FAM167A: variants seen among roughly 807,000 people sequenced by gnomAD.
The protein encoded by FAM167A is family with sequence similarity 167 member A, also known as protein FAM167A.
In FAM167A, 23 loss-of-function variants were observed where a neutral mutation model predicts 14.9. The observed-to-expected ratio is 1.55, with a 90% CI of 1.11 to 2.19. The LOEUF (loss-of-function observed/expected upper bound fraction) is 2.19. Among genes scored for constraint, FAM167A ranks in the 30% most tolerant of loss-of-function variants. The pLI is 0.00. For missense variants in FAM167A, 401 were observed against 281.5 expected, an observed-to-expected ratio of 1.42 and a Z score of -3.04; for synonymous variants, 174 against 117.7, an observed-to-expected ratio of 1.48 and a Z score of -3.10.
At chr8:11,447,948 C>G (rs770645424) in intron 1 of FAM167A, among the ~76,000 whole-genome samples, 2 of 152,178 alleles carry the variant, frequency 1.3e-5, no homozygotes, top group African/African-American at 4.8e-5. Context: ...GTAATCCCAG[C>G]ACTTTGGGAG....
In FAM167A at chr8:11,448,596, C is replaced by T. The variant is rs528169088; in HGVS notation, c.-397-3788G>A. 6.6e-4 allele frequency among the ~76,000 whole-genome samples: 101 copies of T among 152,322 alleles called. 3 individuals carry two copies. The South Asian group carries it at 0.018, about 27-fold the overall frequency. On this transcript the variant is annotated intron_variant, in intron 1 of 2. Coordinates refer to ENST00000284486, the MANE Select transcript of FAM167A (RefSeq NM_053279.3). The stretch of plus-strand genomic sequence containing the variant: ...ATCCTTCCCTGGACACCAAACGACA[C>T]GAAGTCAGTTGATCCCACCTCCCCC...
intron 1 of FAM167A, among the ~76,000 whole-genome samples, chr8:11,461,627 C>T (rs942915927): frequency 6.6e-6 from 1 of 152,252 alleles, no homozygotes; most frequent in African/African-American, 2.4e-5. Context: ...TGTGCCCTCC[C>T]CTGTGGCTTC....
At chr8:11,436,776 G>A (rs1265376282) in intron 2 of FAM167A, among the ~76,000 whole-genome samples, 1 of 152,186 alleles carries the variant, frequency 6.6e-6, no homozygotes, top group Admixed American at 6.5e-5. Context: ...GCTTTTCTTG[G>A]GTTCTCTATC....
intron 2 of FAM167A, chr8:11,434,095 G>A (rs148489358): frequency 1.3e-5 from 2 of 152,244 alleles, no homozygotes; most frequent in African/African-American, 2.4e-5. Flanking sequence ...GAGGTTCCGG[G>A]GAAATGTGAA....
chr8:11,441,327 A>C (rs928264003), intron 2 of FAM167A, among the ~76,000 whole-genome samples: 2 of 152,202 alleles, frequency 1.3e-5, no homozygotes, highest in Non-Finnish European at 2.9e-5. Flanking sequence ...TCATTCCCTG[A>C]TACCCTAAGT....
chr8:11,430,245 T>C (rs7008392), intron 2 of FAM167A, among the ~76,000 whole-genome samples: 2 of 152,096 alleles, frequency 1.3e-5, no homozygotes, highest in African/African-American at 4.8e-5. Context: ...ACAGAACTTG[T>C]TGAAAGGGAA....
chr8:11,457,663 G>A (rs1807387133), intron 1 of FAM167A, among the ~76,000 whole-genome samples: 2 of 152,252 alleles, frequency 1.3e-5, no homozygotes, highest in South Asian at 4.1e-4. Context: ...GTGGGTACAT[G>A]AATGAATGAA....
intron 2 of FAM167A, among the ~76,000 whole-genome samples, chr8:11,435,961 C>T (rs1387063090): frequency 2.0e-5 from 3 of 152,220 alleles, no homozygotes; most frequent in Non-Finnish European, 4.4e-5. Context: ...TACGTTTTTA[C>T]TTCCCATGTG....
intron 1 of FAM167A, among the ~76,000 whole-genome samples, chr8:11,473,707 T>G (rs1168331083): frequency 1.3e-5 from 2 of 152,072 alleles, no homozygotes; most frequent in Non-Finnish European, 2.9e-5. Flanking sequence ...CTTAGTCTCT[T>G]GAGCTTCAGT....
chr8:11,460,494 G>A (rs142820468), intron 1 of FAM167A, among the ~76,000 whole-genome samples: 2,884 of 152,306 alleles, frequency 0.019, 39 homozygotes, highest in Non-Finnish European at 0.031. Context: ...TAGAGGCGCC[G>A]ACTCGCCCAC....
intron 2 of FAM167A, among the ~76,000 whole-genome samples, chr8:11,432,282 G>T (rs1012003873): frequency 1.3e-5 from 2 of 152,182 alleles, no homozygotes; most frequent in South Asian, 4.1e-4. Flanking sequence ...AGAGTGAACA[G>T]GCAACCTACA....
At chr8:11,439,941 A>C (rs1806328636) in intron 2 of FAM167A, among the ~76,000 whole-genome samples, 3 of 152,114 alleles carry the variant, frequency 2.0e-5, no homozygotes, top group Admixed American at 2.0e-4. Context: ...GCGTGTGTGA[A>C]TGCTCTGAAT....
At chr8:11,426,105 GCATTTCTTTCT>G (rs1805123812) in intron 2 of FAM167A, among the ~76,000 whole-genome samples, 1 of 152,158 alleles carries the variant, frequency 6.6e-6, no homozygotes, top group Non-Finnish European at 1.5e-5. Context: ...TTTGTCTTAA[GCATTTCTTTCT>G]ACTGACTTCA....
chr8:11,432,655 C>G (rs1425088724), intron 2 of FAM167A, among the ~76,000 whole-genome samples: 1 of 152,146 alleles, frequency 6.6e-6, no homozygotes, highest in Non-Finnish European at 1.5e-5. Context: ...GACAGTATGG[C>G]GATTCCTCAA....
intron 1 of FAM167A, among the ~76,000 whole-genome samples, chr8:11,458,858 T>C (rs952488443): frequency 7.9e-5 from 12 of 151,948 alleles, no homozygotes; most frequent in African/African-American, 2.9e-4. Flanking sequence ...CAGCAGAACC[T>C]AAAGAGCTGA....
At chr8:11,424,698 G>C (rs538000985) in intron 2 of FAM167A, 62 bp from the exon 3 acceptor site, 1 of 1,588,424 alleles carries the variant, frequency 6.3e-7, no homozygotes, top group Non-Finnish European at 8.6e-7. Flanking sequence ...GACAGGCACA[G>C]ACTGGTTAGC....
chr8:11,471,010 G>A (rs550900532), upstream of FAM167A, among the ~76,000 whole-genome samples: 8 of 152,228 alleles, frequency 5.3e-5, no homozygotes, highest in African/African-American at 1.9e-4. Flanking sequence ...GGCTGGCTCT[G>A]TGCCACCCGG....
chr8:11,443,010 C>A (rs907127708), intron 2 of FAM167A, among the ~76,000 whole-genome samples: 1 of 152,208 alleles, frequency 6.6e-6, no homozygotes, highest in Non-Finnish European at 1.5e-5. Context: ...ACCAAGCAGG[C>A]CTCAGCCTAC....
chr8:11,438,755 G>T (rs1177058744), intron 2 of FAM167A: 1 of 348,150 alleles, frequency 2.9e-6, no homozygotes, highest in South Asian at 2.3e-5. Context: ...CTCCTGCAGG[G>T]CTGGTGCCAG....
Sources: allele counts gnomAD v4.1 joint callset (sites outside exome capture counted in the v4.1 genomes callset), GRCh38; gene constraint gnomAD v4.1.1; transcripts MANE v1.5; gene names NCBI Gene and HGNC (gene_info 2026-07-23, HGNC 2026-07-21).